The following CD163L1 variants were observed in gnomAD, a reference collection of about 807,000 sequenced individuals.
The protein encoded by CD163L1 is scavenger receptor cysteine-rich type 1 protein M160.
In CD163L1, 124 loss-of-function variants were observed where a neutral mutation model predicts 165.4. The observed-to-expected ratio is 0.75, with a 90% confidence interval of 0.65 to 0.87. CD163L1 has a LOEUF of 0.87. Ranked by LOEUF, CD163L1 falls within the 40% of genes least tolerant of loss-of-function variation. The pLI is 0.00. For synonymous variants in CD163L1, 585 were observed against 662.2 expected, an observed-to-expected ratio of 0.88 and a Z score of 1.79; for missense variants, 1,525 against 1,799.9, an observed-to-expected ratio of 0.85 and a Z score of 2.76.
intron 4 of CD163L1, among the ~76,000 whole-genome samples, chr12:7,416,652 CA>C (rs1265130680): frequency 6.6e-6 from 1 of 152,136 alleles, no homozygotes; most frequent in Non-Finnish European, 1.5e-5. Flanking sequence ...TCCAGTTTCC[CA>C]ATGCCATTTA....
At chr12:7,415,168 T>C (rs975111219) in intron 4 of CD163L1, among the ~76,000 whole-genome samples, 14 of 152,136 alleles carry the variant, frequency 9.2e-5, no homozygotes, top group Non-Finnish European at 1.5e-4. Flanking sequence ...GATATGTATA[T>C]TCTGACATGA....
chr12:7,437,136 T>TTTA (rs201889184), intron 2 of CD163L1, among the ~76,000 whole-genome samples: 52,549 of 126,902 alleles, frequency 0.41, 11,452 homozygotes, highest in African/African-American at 0.65. Context: ...ATTTATTTTA[T>TTTA]TTATTATTTT....
chr12:7,442,411 A>G (rs1010340496), intron 1 of CD163L1, among the ~76,000 whole-genome samples: 1 of 152,212 alleles, frequency 6.6e-6, no homozygotes, highest in South Asian at 2.1e-4. Context: ...TAGTTTTTCA[A>G]ATGATGCTTT....
intron 18 of CD163L1, among the ~76,000 whole-genome samples, chr12:7,363,075 A>C (rs916420203): frequency 5.9e-5 from 9 of 152,096 alleles, no homozygotes; most frequent in Admixed American, 5.9e-4. Context: ...CGTTTATAGC[A>C]GTAAACACCC....
At chr12:7,403,030 T>C (rs1947944245) in intron 6 of CD163L1, among the ~76,000 whole-genome samples, 1 of 152,160 alleles carries the variant, frequency 6.6e-6, no homozygotes, top group Non-Finnish European at 1.5e-5. Flanking sequence ...ATAGATTTTC[T>C]TTGTTTTCAA....
At chr12:7,357,815 G>A (rs906445841) in intron 18 of CD163L1, among the ~76,000 whole-genome samples, 3 of 152,192 alleles carry the variant, frequency 2.0e-5, no homozygotes, top group African/African-American at 7.2e-5. Flanking sequence ...AAGCATCATT[G>A]TCTAAAGATA....
chr12:7,367,333 T>A lies in CD163L1; in HGVS notation c.4184-2A>T. On this transcript the variant is annotated splice_acceptor_variant, in intron 17 of 19. Coordinates refer to ENST00000313599, the MANE Select transcript of CD163L1 (RefSeq NM_174941.6). LOFTEE classifies it high-confidence loss of function. ...GAGAACCCCTCCTTCTGGTTGAAAC[T>A]GAGAATGGATGCTTCATGGTTAGGA... The A allele has an allele frequency of 6.3e-7, 1 of 1,589,964 alleles. No individual in the cohort carries two copies. The highest frequency in any genetic ancestry group is 8.6e-7 in the Non-Finnish European group (1 of 1,158,214).
chr12:7,373,710 C>A (rs1947193901), intron 13 of CD163L1, 70 bp from the exon 14 acceptor site: 1 of 1,334,636 alleles, frequency 7.5e-7, no homozygotes, highest in African/African-American at 1.5e-5. Flanking sequence ...CCAAGGAATC[C>A]ATTTTTCCCA....
intron 4 of CD163L1, among the ~76,000 whole-genome samples, chr12:7,421,462 T>TAC (rs1204069499): frequency 1.7e-4 from 15 of 88,474 alleles, no homozygotes; most frequent in Non-Finnish European, 2.6e-4. Flanking sequence ...TGTACATATA[T>TAC]ACATATATAT....
chr12:7,365,550 C>T (rs981405648), intron 18 of CD163L1, among the ~76,000 whole-genome samples: 2 of 151,956 alleles, frequency 1.3e-5, no homozygotes, highest in African/African-American at 4.8e-5. Flanking sequence ...ATATAGAGCT[C>T]AGACAACTCA....
At chr12:7,416,654 A>G (rs995020590) in intron 4 of CD163L1, among the ~76,000 whole-genome samples, 5 of 151,894 alleles carry the variant, frequency 3.3e-5, no homozygotes, top group African/African-American at 9.7e-5. Context: ...CAGTTTCCCA[A>G]TGCCATTTAC....
At chr12:7,436,041 T>C (rs981639002) in intron 2 of CD163L1, among the ~76,000 whole-genome samples, 1 of 152,098 alleles carries the variant, frequency 6.6e-6, no homozygotes, top group African/African-American at 2.4e-5. Flanking sequence ...TTAGAAAGTA[T>C]TGTATTATTA....
At chr12:7,411,717 AT>A in intron 4 of CD163L1, among the ~76,000 whole-genome samples, 1 of 152,308 alleles carries the variant, frequency 6.6e-6, no homozygotes, top group African/African-American at 2.4e-5. Context: ...TTTATAAATT[AT>A]CCAGTCTCCG....
chr12:7,440,572 A>G (rs189263447), intron 2 of CD163L1, among the ~76,000 whole-genome samples: 153 of 151,574 alleles, frequency 1.0e-3, no homozygotes, highest in Non-Finnish European at 1.9e-3. Context: ...CAAAAATACA[A>G]TATCCATATT....
intron 4 of CD163L1, among the ~76,000 whole-genome samples, chr12:7,421,094 T>TATAC (rs1432639256): frequency 2.5e-5 from 3 of 120,690 alleles, no homozygotes; most frequent in Admixed American, 9.6e-5. Flanking sequence ...TACGTATATA[T>TATAC]ATGTATATAT....
At chr12:7,428,271 T>C (rs1025246582) in intron 4 of CD163L1, among the ~76,000 whole-genome samples, 3 of 152,072 alleles carry the variant, frequency 2.0e-5, no homozygotes, top group Non-Finnish European at 4.4e-5. Flanking sequence ...TAGTCAATTG[T>C]ACTGATAAAA....
In CD163L1 at chr12:7,347,314, C is replaced by T. The variant is rs1187838635; in HGVS notation, c.*25-167G>A. On this transcript the variant is annotated intron_variant, in intron 4 of 4. Coordinates refer to the CD163L1 transcript ENST00000539726. The surrounding 1 kb of genome is among the most constrained non-coding windows in gnomAD (Gnocchi z 4.2). Reference sequence around the variant, plus strand: ...TCCTTACCAGGAAATCATTGCTCTTCAAAGATCCTCTTGGGCTAATGAATA... The same window carrying T: ...TCCTTACCAGGAAATCATTGCTCTTTAAAGATCCTCTTGGGCTAATGAATA... 1.3e-5 allele frequency among the ~76,000 whole-genome samples: 2 copies of T among 152,132 alleles called. No individual in the cohort carries two copies. The highest frequency in any genetic ancestry group is 2.9e-5 in the Non-Finnish European group (2 of 68,024).
the CD163L1 span, chr12:7,322,509 G>A: frequency 4.3e-6 from 7 of 1,613,888 alleles, no homozygotes; most frequent in Non-Finnish European, 5.1e-6. Flanking sequence ...AACTGGGCTG[G>A]AGCTATATGA....
At position 7,391,719 on chromosome 12, in the gene CD163L1, A is replaced by G. The variant is rs141179526; in HGVS notation, c.2050+4376T>C. Among the ~76,000 whole-genome samples, 260 of 152,318 alleles carry G rather than the reference A, an allele frequency of 1.7e-3. 1 individual carries two copies. The highest frequency in any genetic ancestry group is 6.0e-3 in the African/African-American group (249 of 41,572). ...ACACACATAGGCTCAAAATAAAGGG[A>G]TGGAGGAAGATCTACCAAACAACTG... On this transcript the variant is annotated intron_variant, in intron 8 of 19. Transcript: ENST00000313599.
Sources: allele counts gnomAD v4.1 joint callset (sites outside exome capture counted in the v4.1 genomes callset), GRCh38; gene constraint gnomAD v4.1.1; non-coding constraint Gnocchi (gnomAD v3.1); transcripts MANE v1.5; gene names NCBI Gene and HGNC (gene_info 2026-07-23, HGNC 2026-07-21).